Variants in BLOC1S2 observed in about 807,000 individuals in gnomAD.
The protein encoded by BLOC1S2 is biogenesis of lysosome-related organelles complex 1 subunit 2.
Under a neutral mutation model 19.6 loss-of-function variants are expected in BLOC1S2, and 12 were observed. The observed-to-expected ratio is 0.61, with a 90% CI of 0.39 to 0.99. The LOEUF (loss-of-function observed/expected upper bound fraction) is 0.99, where lower values mean the gene tolerates loss of function less well. Ranked by LOEUF, BLOC1S2 falls within the 50% of genes least tolerant of loss-of-function variation. The pLI, the probability that BLOC1S2 is intolerant of heterozygous loss-of-function variation, is 0.00. For synonymous variants in BLOC1S2, 66 were observed against 64.1 expected, an observed-to-expected ratio of 1.03 and a Z score of -0.14; for missense variants, 142 against 171.0, an observed-to-expected ratio of 0.83 and a Z score of 0.95.
chr10:100,278,054 A>G (rs1589648344), intron 4 of BLOC1S2, among the ~76,000 whole-genome samples: 1 of 114,756 alleles, frequency 8.7e-6, no homozygotes, highest in African/African-American at 3.5e-5. Flanking sequence ...TCCGGGAGGG[A>G]GGTGGGGGGC....
chr10:100,277,709 GGGC>G (rs1847951990), intron 4 of BLOC1S2, among the ~76,000 whole-genome samples: 1 of 140,034 alleles, frequency 7.1e-6, no homozygotes, highest in Admixed American at 6.8e-5. Context: ...GGGAGGTGGG[GGGC>G]TCAGCCCCCC....
At chr10:100,277,140 C>A (rs28394034) in intron 4 of BLOC1S2, among the ~76,000 whole-genome samples, 3 of 146,286 alleles carry the variant, frequency 2.1e-5, no homozygotes, top group Non-Finnish European at 3.0e-5. Context: ...ATGTGGGGAG[C>A]GCCTGTGCCC....
At chr10:100,279,599 C>A (rs1397363865) in intron 4 of BLOC1S2, among the ~76,000 whole-genome samples, 5 of 152,118 alleles carry the variant, frequency 3.3e-5, no homozygotes, top group African/African-American at 9.7e-5. Flanking sequence ...CATGTACTTA[C>A]CTCACAGATT....
intron 4 of BLOC1S2, 46 bp from the exon 5 acceptor site, chr10:100,275,539 C>G (rs1402464015): frequency 6.5e-7 from 1 of 1,548,736 alleles, no homozygotes; most frequent in African/African-American, 1.4e-5. Context: ...CTGGCTCTTA[C>G]AAAGACAGTT....
At chr10:100,285,888 CT>C (rs1191274671) in intron 2 of BLOC1S2, among the ~76,000 whole-genome samples, 2 of 152,186 alleles carry the variant, frequency 1.3e-5, no homozygotes, top group African/African-American at 4.8e-5. Context: ...GATATGAACT[CT>C]TTTTTGTTAT....
chr10:100,278,289 G>C (rs551841217), intron 4 of BLOC1S2, among the ~76,000 whole-genome samples: 5 of 152,168 alleles, frequency 3.3e-5, no homozygotes, highest in South Asian at 2.1e-4. Context: ...CTACTGGGAA[G>C]TGAGGAGCCC....
intron 4 of BLOC1S2, among the ~76,000 whole-genome samples, chr10:100,276,147 G>A (rs1847841987): frequency 6.6e-6 from 1 of 152,150 alleles, no homozygotes; most frequent in Admixed American, 6.5e-5. Flanking sequence ...AAATGTAACT[G>A]TAGAAAATAA....
intron 2 of BLOC1S2, among the ~76,000 whole-genome samples, chr10:100,281,788 C>T (rs922306100): frequency 4.0e-5 from 6 of 150,808 alleles, no homozygotes; most frequent in African/African-American, 1.5e-4. Context: ...TCGTTTATTA[C>T]CATGTATAAT....
intron 4 of BLOC1S2, among the ~76,000 whole-genome samples, chr10:100,278,523 A>C (rs1238550238): frequency 3.3e-5 from 5 of 152,004 alleles, no homozygotes; most frequent in Non-Finnish European, 5.9e-5. Flanking sequence ...CTGTTGATCT[A>C]TGACCTTACC....
chr10:100,277,934 G>T (rs1847969207), intron 4 of BLOC1S2, among the ~76,000 whole-genome samples: 1 of 101,606 alleles, frequency 9.8e-6, no homozygotes, highest in Admixed American at 8.6e-5. Flanking sequence ...GGTGAGGGGC[G>T]CCTCTGCCCG....
At chr10:100,281,384 A>G (rs931128682) in intron 2 of BLOC1S2, among the ~76,000 whole-genome samples, 1 of 152,132 alleles carries the variant, frequency 6.6e-6, no homozygotes, top group African/African-American at 2.4e-5. Context: ...ACTTATATAC[A>G]TATAATATAT....
intron 4 of BLOC1S2, among the ~76,000 whole-genome samples, chr10:100,277,494 CGG>C (rs1847931456): frequency 8.5e-6 from 1 of 117,054 alleles, no homozygotes; most frequent in African/African-American, 3.3e-5. Flanking sequence ...CCGTCCCGTC[CGG>C]GAGGGAGGTG....
At chr10:100,285,254 T>C (rs1848204130) in intron 2 of BLOC1S2, among the ~76,000 whole-genome samples, 1 of 152,122 alleles carries the variant, frequency 6.6e-6, no homozygotes, top group Admixed American at 6.5e-5. Context: ...TTTTTCTTTT[T>C]TCTTTCTCAT....
chr10:100,285,837 TAC>T (rs2134367880), intron 2 of BLOC1S2, among the ~76,000 whole-genome samples: 1 of 152,342 alleles, frequency 6.6e-6, no homozygotes, highest in East Asian at 1.9e-4. Flanking sequence ...CTGCTCAAAA[TAC>T]ACTTTCCCCA....
rs572336792 is a variant in BLOC1S2, at chr10:100,273,890, G to T, written c.*1572C>A. 1 of 152,014 alleles carries T rather than the reference G, an allele frequency of 6.6e-6. No homozygotes were observed. Among genetic ancestry groups the T allele is most frequent in the African/African-American group, 2.4e-5 (1 of 41,450 alleles). 9.4% of individuals were successfully genotyped at this position (152,014 alleles called of 1,614,324 possible). On this transcript the variant is annotated 3_prime_UTR_variant, in exon 5 of 5. Transcript: ENST00000370372. ...GCACGGAAAAGGAAAAGGGTTGGAA[G>T]AAGGGGTAAGACTGATTCTATGTTA...
intron 2 of BLOC1S2, among the ~76,000 whole-genome samples, chr10:100,285,875 CT>C (rs1229165030): frequency 2.6e-5 from 4 of 152,194 alleles, no homozygotes; most frequent in Admixed American, 2.0e-4. Flanking sequence ...ATTACTGTTG[CT>C]GGATATGAAC....
At chr10:100,277,525 C>CCGGTCAGCCGTCCCGTCCGGGAGGGAGG (rs1847936133) in intron 4 of BLOC1S2, among the ~76,000 whole-genome samples, 1 of 114,746 alleles carries the variant, frequency 8.7e-6, no homozygotes, top group African/African-American at 3.5e-5. Context: ...AGCCCCCCGC[C>CCGGTCAGCCGTCCCGTCCGGGAGGGAGG]TGGCCAGCTG....
intron 4 of BLOC1S2, among the ~76,000 whole-genome samples, chr10:100,278,594 C>A (rs1422454942): frequency 1.3e-5 from 2 of 152,046 alleles, no homozygotes; most frequent in African/African-American, 4.8e-5. Flanking sequence ...GGATTAAGGG[C>A]GGTGCAAGAT....
At chr10:100,284,450 G>A (rs1848185290) in intron 2 of BLOC1S2, among the ~76,000 whole-genome samples, 1 of 152,172 alleles carries the variant, frequency 6.6e-6, no homozygotes. Flanking sequence ...TGAGGTGTTA[G>A]GATCACTTGA....
Sources: gnomAD v4.1 joint callset for allele counts (sites outside exome capture counted in the v4.1 genomes callset) on GRCh38, gnomAD v4.1.1 for gene constraint, MANE v1.5 for transcripts, NCBI Gene and HGNC (gene_info 2026-07-23, HGNC 2026-07-21) for gene names.